Variants in NRG3 observed in about 807,000 individuals in gnomAD.
NRG3 encodes the protein pro-neuregulin-3, membrane-bound isoform.
In NRG3, 31 loss-of-function variants were observed where a neutral mutation model predicts 66.9. That is an observed-to-expected ratio of 0.46 (90% confidence interval 0.35 to 0.63). The LOEUF (loss-of-function observed/expected upper bound fraction) is 0.63, where lower values mean the gene tolerates loss of function less well. Among genes scored for constraint, NRG3 ranks in the 20% least tolerant of loss-of-function variants. NRG3 has a pLI of 0.00. For missense variants in NRG3, 910 were observed against 878.9 expected, an observed-to-expected ratio of 1.04 and a Z score of -0.45; for synonymous variants, 393 against 359.4, an observed-to-expected ratio of 1.09 and a Z score of -1.06.
At chr10:81,952,486 A>G (rs1849464143) in intron 1 of NRG3, among the ~76,000 whole-genome samples, 1 of 152,012 alleles carries the variant, frequency 6.6e-6, no homozygotes, top group Non-Finnish European at 1.5e-5. Context: ...TGAGTAGAGT[A>G]AGGAGAAAGT....
intron 3 of NRG3, among the ~76,000 whole-genome samples, chr10:82,855,325 T>A (rs2063751814): frequency 6.6e-6 from 1 of 152,118 alleles, no homozygotes; most frequent in Admixed American, 6.5e-5. Flanking sequence ...CTTTCTTTTC[T>A]TTCATTTCTT....
chr10:82,961,232 A>C (rs997316756), intron 6 of NRG3, among the ~76,000 whole-genome samples: 2 of 152,222 alleles, frequency 1.3e-5, no homozygotes, highest in Non-Finnish European at 2.9e-5. Context: ...TGAAATCTAC[A>C]AACATTGATC....
intron 3 of NRG3, among the ~76,000 whole-genome samples, chr10:82,803,656 A>T (rs978293524): frequency 2.6e-5 from 4 of 152,180 alleles, no homozygotes; most frequent in African/African-American, 9.7e-5. Flanking sequence ...GTGGTGATTG[A>T]GTTATTCCGG....
intron 2 of NRG3, among the ~76,000 whole-genome samples, chr10:82,682,430 T>TAGAC (rs1205401037): frequency 6.6e-6 from 1 of 151,504 alleles, no homozygotes; most frequent in African/African-American, 2.4e-5. Context: ...GATAGATAGA[T>TAGAC]AGATAGATAA....
chr10:82,821,478 AGTGAAGTTTT>A (rs1181154681), intron 3 of NRG3, among the ~76,000 whole-genome samples: 1 of 148,588 alleles, frequency 6.7e-6, no homozygotes, highest in Admixed American at 6.8e-5. Flanking sequence ...AGTCTGGTTG[AGTGAAGTTTT>A]GCCCACACTT....
At chr10:81,991,348 G>A (rs1264877318) in intron 1 of NRG3, among the ~76,000 whole-genome samples, 1 of 152,122 alleles carries the variant, frequency 6.6e-6, no homozygotes, top group Non-Finnish European at 1.5e-5. Context: ...AGTATAAATT[G>A]TAGATCATAG....
At chr10:82,107,022 A>G (rs2067108840) in intron 1 of NRG3, among the ~76,000 whole-genome samples, 1 of 152,240 alleles carries the variant, frequency 6.6e-6, no homozygotes, top group South Asian at 2.1e-4. Context: ...GAGAGGAGCT[A>G]GACATGGGCA....
chr10:82,497,212 TG>T (rs1048884011), intron 2 of NRG3, among the ~76,000 whole-genome samples: 1 of 152,212 alleles, frequency 6.6e-6, no homozygotes, highest in Admixed American at 6.5e-5. Flanking sequence ...TTAAAATACT[TG>T]AACTTTTCTT....
intron 8 of NRG3, among the ~76,000 whole-genome samples, chr10:82,984,518 A>G (rs1230228595): frequency 3.3e-5 from 5 of 152,184 alleles, no homozygotes. Context: ...TGGTTCCTTT[A>G]GAGCACAGTG....
At chr10:82,066,987 CTACT>C (rs774639218) in intron 1 of NRG3, among the ~76,000 whole-genome samples, 6 of 147,838 alleles carry the variant, frequency 4.1e-5, no homozygotes, top group Non-Finnish European at 8.9e-5. Flanking sequence ...GAATGCCCTT[CTACT>C]TTTAGCTATT....
At chr10:82,244,412 T>C (rs959155458) in intron 1 of NRG3, among the ~76,000 whole-genome samples, 1 of 152,210 alleles carries the variant, frequency 6.6e-6, no homozygotes, top group African/African-American at 2.4e-5. Context: ...GAATTAGATG[T>C]CTGGAGACCT....
At chr10:82,173,823 A>G (rs975864804) in intron 1 of NRG3, among the ~76,000 whole-genome samples, 2 of 151,794 alleles carry the variant, frequency 1.3e-5, no homozygotes, top group East Asian at 3.9e-4. Context: ...ATAGACCCTC[A>G]CTCATTCATG....
chr10:82,975,845 C>T (rs1852198452), intron 7 of NRG3, among the ~76,000 whole-genome samples: 2 of 152,116 alleles, frequency 1.3e-5, no homozygotes, highest in South Asian at 4.1e-4. Flanking sequence ...GTTGTTATGA[C>T]AGTTTAGCGA....
At chr10:82,632,569 G>A (rs576880097) in intron 2 of NRG3, among the ~76,000 whole-genome samples, 7 of 151,776 alleles carry the variant, frequency 4.6e-5, no homozygotes, top group Non-Finnish European at 5.9e-5. Context: ...ACTCATTATC[G>A]TATTTCATTT....
intron 4 of NRG3, among the ~76,000 whole-genome samples, chr10:82,868,046 G>T (rs972923990): frequency 1.3e-5 from 2 of 152,156 alleles, no homozygotes; most frequent in Non-Finnish European, 2.9e-5. Flanking sequence ...GCCCTCAAAT[G>T]CAGGAAACAC....
chr10:82,182,810 G>A (rs2073525033), intron 1 of NRG3, among the ~76,000 whole-genome samples: 1 of 151,768 alleles, frequency 6.6e-6, no homozygotes, highest in Non-Finnish European at 1.5e-5. Flanking sequence ...TTTTTGTAGG[G>A]CAGGTCTAGT....
At chr10:82,842,943 G>T (rs1487192668) in intron 3 of NRG3, among the ~76,000 whole-genome samples, 1 of 152,054 alleles carries the variant, frequency 6.6e-6, no homozygotes, top group African/African-American at 2.4e-5. Context: ...TATAAATTAG[G>T]CACAGTAAGA....
chr10:82,693,565 A>C (rs1325279171), intron 2 of NRG3, among the ~76,000 whole-genome samples: 2 of 152,206 alleles, frequency 1.3e-5, no homozygotes, highest in African/African-American at 2.4e-5. Context: ...CTACAAAACA[A>C]AGATAATAAT....
chr10:82,465,111 A>T (rs1162484140), intron 2 of NRG3, among the ~76,000 whole-genome samples: 1 of 152,208 alleles, frequency 6.6e-6, no homozygotes, highest in Admixed American at 6.5e-5. Flanking sequence ...GCATCCCTAC[A>T]GTGGCACACC....
Sources: allele counts gnomAD v4.1 joint callset (sites outside exome capture counted in the v4.1 genomes callset), GRCh38; gene constraint gnomAD v4.1.1; transcripts MANE v1.5; gene names NCBI Gene and HGNC (gene_info 2026-07-23, HGNC 2026-07-21).